NR5A1: variants seen among roughly 807,000 people sequenced by gnomAD.
The protein encoded by NR5A1 is nuclear receptor subfamily 5 group A member 1, also known as steroidogenic factor 1.
In NR5A1, 6 loss-of-function variants were observed where a neutral mutation model predicts 42.7. The ratio of observed to expected loss-of-function variants is 0.14; its 90% CI spans 0.08 to 0.28. The LOEUF is 0.28. Among genes scored for constraint, NR5A1 ranks in the 10% least tolerant of loss-of-function variants. The pLI is 1.00. For synonymous variants in NR5A1, 274 were observed against 277.5 expected (o/e 0.99, Z 0.12); for missense variants, 442 against 626.4 (o/e 0.71, Z 3.14).
chr9:124,503,168 C>T lies in NR5A1; in HGVS notation c.155G>A (p.Ser52Asn). 6.2e-7 allele frequency: 1 copy of T among 1,600,974 alleles called. No individual in the cohort carries two copies. Among genetic ancestry groups the T allele is most frequent in the East Asian group, 2.3e-5 (1 of 44,338 alleles). ...CGTCTTGTCGATCTTGCAGCTCTGG[C>T]TCTCGGTGCACGTGTAGTGCTTGTT... ...QNNKHYTCTE[S>N]QSCKIDKTQR... The change falls in exon 3 of 7, where the codon AGC becomes AAC. Residue 52 changes from serine (S) to asparagine (N), a missense_variant. Physicochemically the swap from Ser to Asn is conservative, Grantham distance 46 (BLOSUM62 1). This residue lies in a region of NR5A1 where 71 missense variants were observed against 156.8 expected (regional missense o/e 0.45). Coordinates refer to ENST00000373588, the MANE Select transcript of NR5A1 (RefSeq NM_004959.5). This position sits in a 1 kb window ranked among gnomAD's most constrained non-coding sequence, Gnocchi z 9.6.
chr9:124,493,751 C>A (rs371935542), intron 4 of NR5A1, among the ~76,000 whole-genome samples: 2 of 152,140 alleles, frequency 1.3e-5, no homozygotes, highest in East Asian at 1.9e-4. Context: ...AGCAGGGGGG[C>A]GGCAATGGCC....
chr9:124,481,358 A>T lies in NR5A1; in HGVS notation c.*1400T>A, dbSNP rs10283445. On this transcript the variant is annotated 3_prime_UTR_variant, in exon 7 of 7. Transcript: ENST00000373588. ...GGGGCACATGTTTCAGGGGGCGGGG[A>T]GGGGAGGTACTGAGACAGGGTGGCG... The T allele has an allele frequency of 1.3e-4, 18 of 141,080 alleles. 1 individual carries two copies. Among genetic ancestry groups the T allele is most frequent in the African/African-American group, 4.2e-4 (16 of 37,874 alleles). 8.7% of individuals were successfully genotyped at this position (141,080 alleles called of 1,614,324 possible). A position where few individuals can be genotyped will look rare whatever the true frequency, so the allele number is the denominator to read the frequency against.
chr9:124,499,550 T>C (rs1457478992), intron 4 of NR5A1, among the ~76,000 whole-genome samples: 1 of 151,986 alleles, frequency 6.6e-6, no homozygotes, highest in Non-Finnish European at 1.5e-5. Context: ...TCTAAAACAC[T>C]AAGAGCCCCC....
rs934777067 is a variant in NR5A1 at position 124,500,458 on chromosome 9, C to G, written c.502G>C (p.Ala168Pro). ...GCACCGGGCACGGCCATGGGCAGTG[C>G]TGGGGCCCCAAAGTCGCCCAGTGGC... ...AGPLGDFGAPALPMAVPGAHG... is the reference protein window; with the variant it reads ...AGPLGDFGAPPLPMAVPGAHG... Residue 168 changes from alanine to proline, a missense_variant, in exon 4 of 7, where the codon GCA becomes CCA. By Grantham distance (27) the Ala-to-Pro change is conservative. This residue lies in a region of NR5A1 where 208 missense variants were observed against 203.8 expected (regional missense o/e 1.02). Transcript: ENST00000373588. This position sits in a 1 kb window ranked among gnomAD's most constrained non-coding sequence, Gnocchi z 6.9. 3.8e-6 allele frequency: 6 copies of G among 1,591,248 alleles called. No individual in the cohort carries two copies. The highest frequency in any genetic ancestry group is 1.7e-5 in the Admixed American group (1 of 57,160).
At position 124,500,242 on chromosome 9, in the gene NR5A1, C is replaced by T; in HGVS notation, c.718G>A (p.Val240Met). 1 of 1,604,384 alleles carries T rather than the reference C, an allele frequency of 6.2e-7. No individual in the cohort carries two copies. Among genetic ancestry groups the T allele is most frequent in the Non-Finnish European group, 8.5e-7 (1 of 1,175,998 alleles). ...LLQLEPDEDQVRARILGCLQE... is the reference protein window; with the variant it reads ...LLQLEPDEDQMRARILGCLQE... ...AGGCAGCCCAAGATGCGGGCCCGCACCTGGTCCTCATCCGGCTCCAGCTGC... is the reference window on the plus strand; with the variant it reads ...AGGCAGCCCAAGATGCGGGCCCGCATCTGGTCCTCATCCGGCTCCAGCTGC... The change falls in exon 4 of 7, where the codon GTG (valine) becomes ATG (methionine). Residue 240 changes from valine to methionine, a missense_variant. Around this residue, in one of 3 missense-constraint regions of NR5A1, gnomAD observed 208 missense variants for 203.8 expected, o/e 1.02. Transcript: ENST00000373588. The surrounding 1 kb of genome is among the most constrained non-coding windows in gnomAD (Gnocchi z 6.9).
chr9:124,496,455 C>A lies in NR5A1; in HGVS notation c.871-3306G>T, dbSNP rs564310819. On this transcript the variant is annotated intron_variant, in intron 4 of 6. Transcript: ENST00000373588. This position sits in a 1 kb window ranked among gnomAD's most constrained non-coding sequence, Gnocchi z 5.0. ...TCTGCTGGGCACATCAGCCATCCACCCCTCCCACCGGACCGCCACAAATCT... is the reference window on the plus strand; with the variant it reads ...TCTGCTGGGCACATCAGCCATCCACACCTCCCACCGGACCGCCACAAATCT... 1.9e-4 allele frequency among the ~76,000 whole-genome samples: 29 copies of A among 152,218 alleles called. No individual in the cohort carries two copies. In the East Asian group the frequency reaches 5.4e-3, roughly 28 times the overall value.
rs1431404986 is a variant in NR5A1 at position 124,482,916 on chromosome 9, G to T, written c.1228C>A (p.Pro410Thr). The change falls in exon 7 of 7, where the codon CCG becomes ACG. Residue 410 changes from proline to threonine, a missense_variant. Coordinates refer to ENST00000373588, the MANE Select transcript of NR5A1 (RefSeq NM_004959.5). Reference protein sequence around the residue: ...ALLDYTLCHYPHCGDKFQQLL... With the variant: ...ALLDYTLCHYTHCGDKFQQLL... The stretch of plus-strand genomic sequence containing the variant: ...TGCTGGAATTTGTCCCCGCAGTGCG[G>T]GTAGTGGCACAGGGTGTAGTCAAGC... 1 of 1,614,186 alleles carries T rather than the reference G, an allele frequency of 6.2e-7. No homozygotes were observed.
At chr9:124,495,764 C>T (rs775483020) in intron 4 of NR5A1, among the ~76,000 whole-genome samples, 5 of 152,178 alleles carry the variant, frequency 3.3e-5, no homozygotes, top group African/African-American at 4.8e-5. Flanking sequence ...CACGGTGACC[C>T]GGCTGGCCCA....
intron 3 of NR5A1, 141 bp downstream of exon 3, chr9:124,502,938 C>T: frequency 8.1e-7 from 1 of 1,230,426 alleles, no homozygotes; most frequent in Non-Finnish European, 1.1e-6. Context: ...GCCCGGTTCT[C>T]TTGCAGCGAC....
intron 4 of NR5A1, among the ~76,000 whole-genome samples, chr9:124,495,430 C>G (rs1832377067): frequency 6.6e-6 from 1 of 152,238 alleles, no homozygotes; most frequent in Admixed American, 6.5e-5. Context: ...GAAACAGAGG[C>G]CTGCCGGAGG....
intron 4 of NR5A1, among the ~76,000 whole-genome samples, chr9:124,494,448 C>T (rs2131281272): frequency 6.6e-6 from 1 of 152,328 alleles, no homozygotes; most frequent in South Asian, 2.1e-4. Context: ...TCTACCTGAT[C>T]CCTCTCCTTC....
intron 1 of NR5A1, among the ~76,000 whole-genome samples, chr9:124,506,243 G>C (rs1832557529): frequency 6.6e-6 from 1 of 152,246 alleles, no homozygotes; most frequent in Non-Finnish European, 1.5e-5. Context: ...TGAAACGAGA[G>C]CCTCAGTTTT....
At position 124,482,209 on chromosome 9, in the gene NR5A1, C is replaced by G. The variant is rs908927666; in HGVS notation, c.*549G>C. ...GTCCTAACCAGTCTCCTAGTGTCCT[C>G]TAGGGCCCAATAGCCCCTCTCAATT... On this transcript the variant is annotated 3_prime_UTR_variant, in exon 7 of 7. Coordinates refer to ENST00000373588, the MANE Select transcript of NR5A1 (RefSeq NM_004959.5). 1.9e-4 allele frequency: 37 copies of G among 195,998 alleles called. No individual in the cohort carries two copies. Among genetic ancestry groups the G allele is most frequent in the Non-Finnish European group, 3.3e-4 (31 of 94,642 alleles). The allele number at this position is 195,998 out of a possible 1,614,324, so 12.1% of individuals were successfully genotyped here.
At chr9:124,493,429 T>C (rs188860386) in intron 4 of NR5A1, among the ~76,000 whole-genome samples, 80 of 152,346 alleles carry the variant, frequency 5.3e-4, no homozygotes, top group African/African-American at 1.9e-3. Context: ...GCCTCAGTTT[T>C]CTCATCTGTA....
chr9:124,482,618 C>T lies in NR5A1; in HGVS notation c.*140G>A. ...AACACACAGTGTCAGAACTCAGGGG[C>T]AGCGGCCTCTGGGACGGGGCTGGGG... On this transcript the variant is annotated 3_prime_UTR_variant, in exon 7 of 7. Coordinates refer to ENST00000373588, the MANE Select transcript of NR5A1 (RefSeq NM_004959.5). 1 of 987,044 alleles carries T rather than the reference C, an allele frequency of 1.0e-6. No individual in the cohort carries two copies. Among genetic ancestry groups the T allele is most frequent in the Non-Finnish European group, 1.5e-6 (1 of 662,480 alleles). 61.1% of individuals were successfully genotyped at this position (987,044 alleles called of 1,614,324 possible). A position where few individuals can be genotyped will look rare whatever the true frequency, so the allele number is the denominator to read the frequency against.
intron 4 of NR5A1, among the ~76,000 whole-genome samples, chr9:124,499,834 CAG>C (rs1265568313): frequency 1.3e-5 from 2 of 152,094 alleles, no homozygotes; most frequent in South Asian, 2.1e-4. Flanking sequence ...TAGGAAGAGA[CAG>C]AGGCAGAGAT....
chr9:124,494,831 C>T (rs1832364990), intron 4 of NR5A1, among the ~76,000 whole-genome samples: 1 of 152,192 alleles, frequency 6.6e-6, no homozygotes, highest in South Asian at 2.1e-4. Context: ...ACAGAGACCA[C>T]TCTCTACCTG....
chr9:124,503,249 C>G lies in NR5A1; in HGVS notation c.103-29G>C. On this transcript the variant is annotated intron_variant, in intron 2 of 6. Coordinates refer to ENST00000373588, the MANE Select transcript of NR5A1 (RefSeq NM_004959.5). This position sits in a 1 kb window ranked among gnomAD's most constrained non-coding sequence, Gnocchi z 9.6. Reference sequence around the variant, plus strand: ...CGGGAGCTGAGAGTCAGCGAGGCCCCGCAGCGCCCGTCTGCCGCACCCCTG... The same window carrying G: ...CGGGAGCTGAGAGTCAGCGAGGCCCGGCAGCGCCCGTCTGCCGCACCCCTG... 1 of 1,604,008 alleles carries G rather than the reference C, an allele frequency of 6.2e-7. No homozygotes were observed. The highest frequency in any genetic ancestry group is 8.5e-7 in the Non-Finnish European group (1 of 1,176,138).
intron 6 of NR5A1, 64 bp downstream of exon 6, chr9:124,491,017 A>AGCCCCG: frequency 2.2e-6 from 1 of 457,440 alleles, no homozygotes; most frequent in Non-Finnish European, 4.2e-6. Context: ...CTCCAGCCTC[A>AGCCCCG]CCCACCCTCC....
Sources: gnomAD v4.1 joint callset for allele counts (sites outside exome capture counted in the v4.1 genomes callset) on GRCh38, gnomAD v4.1.1 for gene constraint, gnomAD v4.1.1 regional missense constraint, Gnocchi (gnomAD v3.1) non-coding constraint, MANE v1.5 for transcripts, NCBI Gene and HGNC (gene_info 2026-07-23, HGNC 2026-07-21) for gene names.